The following RAB30 variants were observed in gnomAD, a reference collection of about 807,000 sequenced individuals.
RAB30 encodes the protein RAB30, member RAS oncogene family, also known as ras-related protein Rab-30.
In RAB30, 9 loss-of-function variants were observed where a neutral mutation model predicts 25.1. The ratio of observed to expected loss-of-function variants is 0.36; its 90% confidence interval spans 0.22 to 0.63. The LOEUF (loss-of-function observed/expected upper bound fraction) is 0.63, where lower values mean the gene tolerates loss of function less well. RAB30 is among the 20% of genes least tolerant of loss of function. The pLI is 0.69. For synonymous variants in RAB30, 77 were observed against 86.4 expected (o/e 0.89, Z 0.60); for missense variants, 140 against 243.5 (o/e 0.58, Z 2.83).
chr11:83,002,001 G>T (rs1857096679), intron 1 of RAB30, among the ~76,000 whole-genome samples: 1 of 152,064 alleles, frequency 6.6e-6, no homozygotes, highest in South Asian at 2.1e-4. Flanking sequence ...TCCCTAACTT[G>T]CAGAAGAGGA....
chr11:83,031,747 G>A (rs746885043), intron 1 of RAB30, among the ~76,000 whole-genome samples: 3 of 152,208 alleles, frequency 2.0e-5, no homozygotes, highest in South Asian at 2.1e-4. Flanking sequence ...GACTGGTCTC[G>A]AACTCCCAAC....
chr11:82,997,555 C>T lies in RAB30; in HGVS notation c.-8-231G>A, dbSNP rs539667920. The T allele has an allele frequency of 1.3e-4, 60 of 457,418 alleles. No individual in the cohort carries two copies. The Middle Eastern group carries it at 3.0e-3, about 23-fold the overall frequency. The allele number at this position is 457,418 out of a possible 1,614,324, so 28.3% of individuals were successfully genotyped here. ...CACAGAGAATAAATGACGCAGATGTCGTTTCACCTGGTAACCTTTATTCCT... is the reference window on the plus strand; with the variant it reads ...CACAGAGAATAAATGACGCAGATGTTGTTTCACCTGGTAACCTTTATTCCT... On this transcript the variant is annotated intron_variant, in intron 1 of 4. Transcript: ENST00000527633.
At chr11:83,009,317 C>T (rs1590849724) in intron 1 of RAB30, among the ~76,000 whole-genome samples, 1 of 152,296 alleles carries the variant, frequency 6.6e-6, no homozygotes, top group Non-Finnish European at 1.5e-5. Flanking sequence ...CCGCCCGCCT[C>T]GGCCTCCCAA....
chr11:83,064,826 T>G (rs1259932775), intron 1 of RAB30, among the ~76,000 whole-genome samples: 2 of 152,184 alleles, frequency 1.3e-5, no homozygotes, highest in African/African-American at 4.8e-5. Flanking sequence ...TTGTTACTGA[T>G]TATCTAATAT....
intron 1 of RAB30, among the ~76,000 whole-genome samples, chr11:83,011,952 C>T (rs1857313529): frequency 6.6e-6 from 1 of 152,190 alleles, no homozygotes; most frequent in African/African-American, 2.4e-5. Flanking sequence ...GGGAAAAACA[C>T]TATCTAAGCA....
At chr11:83,044,411 A>C (rs1437550691) in intron 1 of RAB30, among the ~76,000 whole-genome samples, 1 of 152,234 alleles carries the variant, frequency 6.6e-6, no homozygotes, top group African/African-American at 2.4e-5. Context: ...CTGAACTAAA[A>C]TCTAAGGACT....
chr11:83,005,879 G>A (rs1202810756), intron 1 of RAB30, among the ~76,000 whole-genome samples: 3 of 150,602 alleles, frequency 2.0e-5, no homozygotes, highest in South Asian at 2.1e-4. Context: ...TTCAATAACC[G>A]ACTAGAAAAA....
At chr11:82,999,537 A>T (rs1226701761) in intron 1 of RAB30, among the ~76,000 whole-genome samples, 1 of 152,148 alleles carries the variant, frequency 6.6e-6, no homozygotes, top group East Asian at 1.9e-4. Flanking sequence ...AACTCCTTAA[A>T]AGGATTCTCA....
chr11:82,995,863 C>T (rs977857509), intron 2 of RAB30, among the ~76,000 whole-genome samples: 5 of 152,190 alleles, frequency 3.3e-5, no homozygotes, highest in Non-Finnish European at 5.9e-5. Context: ...TAGATCTGAC[C>T]TTTCATCTAT....
intron 1 of RAB30, among the ~76,000 whole-genome samples, chr11:83,036,701 G>C (rs1301833454): frequency 1.3e-5 from 2 of 152,178 alleles, no homozygotes; most frequent in Non-Finnish European, 2.9e-5. Context: ...TCAGAGGACT[G>C]ATGGGATCAG....
At chr11:83,005,391 T>C (rs1337288084) in intron 1 of RAB30, among the ~76,000 whole-genome samples, 3 of 152,208 alleles carry the variant, frequency 2.0e-5, no homozygotes, top group Non-Finnish European at 2.9e-5. Context: ...CCACATGTAA[T>C]CTTATTTAAT....
intron 1 of RAB30, among the ~76,000 whole-genome samples, chr11:83,014,889 C>T (rs943691322): frequency 6.6e-6 from 1 of 151,784 alleles, no homozygotes; most frequent in Non-Finnish European, 1.5e-5. Context: ...GAGTCAAGCA[C>T]ATGAAGAATG....
intron 1 of RAB30, among the ~76,000 whole-genome samples, chr11:83,012,097 C>T (rs773164757): frequency 2.6e-5 from 4 of 152,064 alleles, no homozygotes; most frequent in Non-Finnish European, 5.9e-5. Flanking sequence ...ACTGATGATT[C>T]ATCTATTATA....
In RAB30 at chr11:83,005,297, GA is replaced by G. The variant is rs142075632; in HGVS notation, c.-8-7974del. ...GCTACCTAGAATTTCTCCTCTGCCA[GA>G]ACACACTATGTGTCCCCAGGTTCCT... is the stretch of plus-strand genomic sequence containing the variant. On this transcript the variant is annotated intron_variant, in intron 1 of 4. Coordinates refer to ENST00000527633, the MANE Select transcript of RAB30 (RefSeq NM_001286060.2). Among the ~76,000 whole-genome samples the G allele has an allele frequency of 9.2e-3, 1,409 of 152,342 alleles. 13 individuals are homozygous for G. The highest frequency in any genetic ancestry group is 0.044 in the Middle Eastern group (13 of 294).
chr11:83,017,168 G>A (rs571877326), intron 1 of RAB30, among the ~76,000 whole-genome samples: 136 of 152,098 alleles, frequency 8.9e-4, no homozygotes, highest in African/African-American at 3.0e-3. Context: ...GCAAAACTAA[G>A]TTCCCACAAA....
chr11:82,999,152 C>T (rs556609466), intron 1 of RAB30, among the ~76,000 whole-genome samples: 74 of 152,180 alleles, frequency 4.9e-4, no homozygotes, highest in Non-Finnish European at 8.5e-4. Context: ...TAGCATTATA[C>T]TTGGCCCTTT....
intron 1 of RAB30, among the ~76,000 whole-genome samples, chr11:83,029,072 T>C (rs982035097): frequency 6.6e-6 from 1 of 151,956 alleles, no homozygotes; most frequent in South Asian, 2.1e-4. Context: ...CTAAGTGGTA[T>C]AAAAGAAACA....
Position 82,982,035 on chromosome 11 carries a change from T to C in RAB30, c.*130A>G, listed in dbSNP as rs902039070. On this transcript the variant is annotated 3_prime_UTR_variant, in exon 5 of 5. Coordinates refer to ENST00000527633, the MANE Select transcript of RAB30 (RefSeq NM_001286060.2). ...GTCGAGGCCCTTGGCCTGCCATGCTTTGTAAGCTCAGGAGCCCACAGGAGT... is the reference window on the plus strand; with the variant it reads ...GTCGAGGCCCTTGGCCTGCCATGCTCTGTAAGCTCAGGAGCCCACAGGAGT... 19 of 1,303,342 alleles carry C rather than the reference T, an allele frequency of 1.5e-5. No individual in the cohort carries two copies. The Admixed American group carries it at 4.0e-4, about 27-fold the overall frequency. 80.7% of individuals were successfully genotyped at this position (1,303,342 alleles called of 1,614,324 possible). A position where few individuals can be genotyped will look rare whatever the true frequency, so the allele number is the denominator to read the frequency against.
chr11:83,053,672 T>A (rs1001022081), intron 1 of RAB30, among the ~76,000 whole-genome samples: 3 of 152,162 alleles, frequency 2.0e-5, no homozygotes, highest in Non-Finnish European at 4.4e-5. Context: ...ATAATCTTTC[T>A]CTAATCTGGA....
Sources: allele counts gnomAD v4.1 joint callset (sites outside exome capture counted in the v4.1 genomes callset), GRCh38; gene constraint gnomAD v4.1.1; transcripts MANE v1.5; gene names NCBI Gene and HGNC (gene_info 2026-07-23, HGNC 2026-07-21).